PSMG4: variants seen among roughly 807,000 people sequenced by gnomAD.
PSMG4 encodes the protein proteasome assembly chaperone 4, also known as proteasome (prosome, macropain) assembly chaperone 4.
PSMG4 carries 10 observed loss-of-function variants against 11.0 expected under a neutral mutation model. The observed-to-expected ratio is 0.91, with a 90% CI of 0.56 to 1.54. The LOEUF is 1.54. PSMG4 is among the 40% of genes most tolerant of loss of function. The probability of loss-of-function intolerance (pLI) is 0.00; values close to 1 mark genes in which losing one functional copy is unlikely to be tolerated. For missense variants in PSMG4, 198 were observed against 160.9 expected (o/e 1.23, Z -1.25); for synonymous variants, 95 against 71.3 (o/e 1.33, Z -1.68).
upstream of PSMG4, among the ~76,000 whole-genome samples, chr6:3,254,755 A>G (rs1055131572): frequency 6.6e-6 from 1 of 152,090 alleles, no homozygotes; most frequent in Non-Finnish European, 1.5e-5. Flanking sequence ...TCTTTTAAAA[A>G]CTGTAATGCT....
Position 3,259,063 on chromosome 6 carries a change from T to C in PSMG4, c.41T>C (p.Leu14Pro), listed in dbSNP as rs1757862947. The C allele has an allele frequency of 3.2e-6, 4 of 1,266,488 alleles. No homozygotes were observed. Among genetic ancestry groups the C allele is most frequent in the East Asian group, 3.1e-5 (1 of 31,802 alleles). 78.5% of individuals were successfully genotyped at this position (1,266,488 alleles called of 1,614,324 possible). A position where few individuals can be genotyped will look rare whatever the true frequency, so the allele number is the denominator to read the frequency against. ...GTCGCCGCCGGCGGGGACGTCTCCC[T>C]GCACAACTTCAGCGCGAGGCTGTGG... ...LVVAAGGDVS[L>P]HNFSARLWEQ... Residue 14 changes from leucine (L) to proline (P), a missense_variant, in exon 1 of 3, where the codon CTG becomes CCG. Leu to Pro is a moderately conservative substitution (Grantham distance 98). Transcript: ENST00000438998.
chr6:3,264,286 T>C, intron 2 of PSMG4: 4 of 1,551,318 alleles, frequency 2.6e-6, no homozygotes, highest in South Asian at 2.4e-5. Flanking sequence ...GGCTGAATGC[T>C]CCACTCTTCC....
At chr6:3,264,457 G>A in intron 2 of PSMG4, 1 of 1,428,118 alleles carries the variant, frequency 7.0e-7, no homozygotes, top group Non-Finnish European at 9.2e-7. Flanking sequence ...TCTTCTCTGT[G>A]TCTCAGGCAC....
upstream of PSMG4, among the ~76,000 whole-genome samples, chr6:3,254,824 A>G (rs748717301): frequency 3.3e-5 from 5 of 152,118 alleles, no homozygotes; most frequent in Admixed American, 2.6e-4. Context: ...AATTCTGGAC[A>G]CAGTGGGACC....
At chr6:3,258,214 CTT>C (rs1411669451), upstream of PSMG4, among the ~76,000 whole-genome samples, 4 of 152,242 alleles carry the variant, frequency 2.6e-5, no homozygotes, top group East Asian at 5.8e-4. Flanking sequence ...ATTAATCTCT[CTT>C]GAGATCCTTT....
Position 3,259,005 on chromosome 6 carries a change from C to T in PSMG4, c.-18C>T, listed in dbSNP as rs749994023. ...AGGACCCGGGTCTGGCGCTGTGGGCCGGGAGCCGTGGGGCGGCATGGAGGG... is the reference window on the plus strand; with the variant it reads ...AGGACCCGGGTCTGGCGCTGTGGGCTGGGAGCCGTGGGGCGGCATGGAGGG... On this transcript the variant is annotated 5_prime_UTR_variant, in exon 1 of 3. Transcript: ENST00000438998. The T allele has an allele frequency of 1.4e-5, 18 of 1,241,710 alleles. No homozygotes were observed. The highest frequency in any genetic ancestry group is 1.5e-5 in the Non-Finnish European group (15 of 992,050). The allele number at this position is 1,241,710 out of a possible 1,614,324, so 76.9% of individuals were successfully genotyped here. A position where few individuals can be genotyped will look rare whatever the true frequency, so the allele number is the denominator to read the frequency against.
intron 1 of PSMG4, among the ~76,000 whole-genome samples, chr6:3,259,612 T>A (rs1757897394): frequency 6.6e-6 from 1 of 152,214 alleles, no homozygotes; most frequent in African/African-American, 2.4e-5. Flanking sequence ...TCAGGCTCTC[T>A]TCTCCAAACC....
At chr6:3,258,933 G>T (rs982951574), upstream of PSMG4, 243 of 1,181,504 alleles carry the variant, frequency 2.1e-4, no homozygotes, top group Middle Eastern at 3.2e-4. Context: ...AGCGCGCTCG[G>T]TCTCTCGGTG....
upstream of PSMG4, chr6:3,255,321 C>A (rs541971888): frequency 6.0e-6 from 9 of 1,498,682 alleles, no homozygotes; most frequent in African/African-American, 8.4e-5. Context: ...ATGAGGCTAA[C>A]GGCAACTGGT....
intron 2 of PSMG4, chr6:3,264,350 C>T (rs1561843671): frequency 2.6e-6 from 4 of 1,541,194 alleles, no homozygotes; most frequent in East Asian, 4.9e-5. Flanking sequence ...TGCTCTGCGA[C>T]CCCCAGCCCC....
upstream of PSMG4, chr6:3,255,337 C>T (rs972937512): frequency 5.4e-6 from 8 of 1,469,548 alleles, no homozygotes; most frequent in African/African-American, 1.1e-4. Flanking sequence ...CTGGTGGAGT[C>T]ATTCTATGTA....
upstream of PSMG4, among the ~76,000 whole-genome samples, chr6:3,257,091 A>G (rs1757792279): frequency 6.6e-6 from 1 of 152,200 alleles, no homozygotes; most frequent in African/African-American, 2.4e-5. Context: ...GAAGATAAGC[A>G]TTTTAGGAGA....
upstream of PSMG4, among the ~76,000 whole-genome samples, chr6:3,254,791 T>TG (rs1757689928): frequency 6.6e-6 from 1 of 152,100 alleles, no homozygotes; most frequent in African/African-American, 2.4e-5. Flanking sequence ...GCTGAATGCT[T>TG]GGGGTCAGAG....
upstream of PSMG4, among the ~76,000 whole-genome samples, chr6:3,254,709 G>T (rs749517019): frequency 4.6e-5 from 7 of 152,140 alleles, no homozygotes; most frequent in East Asian, 5.8e-4. Flanking sequence ...TGTGGGATGC[G>T]CCTGGACACC....
chr6:3,254,643 G>A (rs945095420), upstream of PSMG4, among the ~76,000 whole-genome samples: 7 of 152,254 alleles, frequency 4.6e-5, no homozygotes, highest in East Asian at 1.9e-4. Flanking sequence ...TGATTGTGAA[G>A]GCCTACAGCT....
chr6:3,254,728 C>A (rs781569961), upstream of PSMG4, among the ~76,000 whole-genome samples: 2 of 152,090 alleles, frequency 1.3e-5, no homozygotes, highest in South Asian at 4.1e-4. Context: ...CCAGAAAAAA[C>A]AAACTCCCCC....
rs1022235600 is a variant in PSMG4 at position 3,264,670 on chromosome 6, C to T, written c.250+911C>T. 21 of 196,386 alleles carry T rather than the reference C, an allele frequency of 1.1e-4. No individual in the cohort carries two copies. The East Asian group carries it at 2.4e-3, about 22-fold the overall frequency. The allele number at this position is 196,386 out of a possible 1,614,324, so 12.2% of individuals were successfully genotyped here. A position where few individuals can be genotyped will look rare whatever the true frequency, so the allele number is the denominator to read the frequency against. ...AACTCGCAGTATTCTTTTTCCCTCC[C>T]TTGGAGGTGGGGACCTGACTTGTAA... On this transcript the variant is annotated intron_variant, in intron 2 of 2. Transcript: ENST00000438998.
In PSMG4 at chr6:3,267,660, T is replaced by G; in HGVS notation, c.320T>G (p.Leu107Arg). 6.4e-7 allele frequency: 1 copy of G among 1,552,234 alleles called. No homozygotes were observed. Among genetic ancestry groups the G allele is most frequent in the Non-Finnish European group, 8.7e-7 (1 of 1,147,042 alleles). Residue 107 changes from leucine to arginine, a missense_variant, in exon 3 of 3, where the codon CTT becomes CGT. By Grantham distance (102) the Leu-to-Arg change is moderately radical. Transcript: ENST00000438998. ...LQNTDSNFAL[L>R]VENRIKEEME... ...AACACAGACAGTAACTTCGCATTAC[T>G]TGTAGAAAACAGGATCAAGGAAGAG... is the stretch of plus-strand genomic sequence containing the variant.
chr6:3,255,837 T>C (rs985038106), upstream of PSMG4, among the ~76,000 whole-genome samples: 1 of 151,424 alleles, frequency 6.6e-6, no homozygotes, highest in African/African-American at 2.4e-5. Context: ...AAACTGTAAA[T>C]GAATGTCGTC....
Sources: gnomAD v4.1 joint callset for allele counts (sites outside exome capture counted in the v4.1 genomes callset) on GRCh38, gnomAD v4.1.1 for gene constraint, MANE v1.5 for transcripts, NCBI Gene and HGNC (gene_info 2026-07-23, HGNC 2026-07-21) for gene names.